VPS13D: variants seen among roughly 807,000 people sequenced by gnomAD.
VPS13D encodes intermembrane lipid transfer protein VPS13D.
In VPS13D, 187 loss-of-function variants were observed where a neutral mutation model predicts 461.9. That is an observed-to-expected ratio of 0.40 (90% CI 0.36 to 0.46). The LOEUF (loss-of-function observed/expected upper bound fraction) is 0.46. Ranked by LOEUF, VPS13D falls within the 20% of genes least tolerant of loss-of-function variation. The pLI, the probability that VPS13D is intolerant of heterozygous loss-of-function variation, is 0.60. For missense variants in VPS13D, 4,711 were observed against 5,364.9 expected, an observed-to-expected ratio of 0.88 and a Z score of 3.81; for synonymous variants, 1,951 against 1,986.3, an observed-to-expected ratio of 0.98 and a Z score of 0.47.
At chr1:12,498,959 G>T (rs528453048) in intron 68 of VPS13D, among the ~76,000 whole-genome samples, 1 of 152,244 alleles carries the variant, frequency 6.6e-6, no homozygotes, top group Admixed American at 6.5e-5. Flanking sequence ...CGGGGAGGGG[G>T]TAACTCTGTC....
chr1:12,416,527 C>CT, intron 64 of VPS13D, 133 bp from the exon 65 acceptor site: 1 of 955,704 alleles, frequency 1.0e-6, no homozygotes. Context: ...AGATTAAAAG[C>CT]TTTTAATCTC....
chr1:12,293,532 G>A lies in VPS13D; in HGVS notation c.5861G>A (p.Arg1954Gln), dbSNP rs368018544. 2.0e-5 allele frequency: 32 copies of A among 1,599,206 alleles called. No homozygotes were observed. Among genetic ancestry groups the A allele is most frequent in the East Asian group, 2.3e-5 (1 of 44,124 alleles). The change falls in exon 24 of 70, where the codon CGG (arginine) becomes CAG (glutamine). Residue 1954 changes from arginine (R) to glutamine (Q), a missense_variant. Physicochemically the swap from Arg to Gln is conservative, Grantham distance 43. Coordinates refer to ENST00000620676, the MANE Select transcript of VPS13D (RefSeq NM_015378.4). ...ALIFQTFKYG[R>Q]PDPLLRREHD... ...TTTATCCTAATTTTTAGATACGGAC[G>A]GCCTGACCCTCTGCTCCGGAGAGAA...
chr1:12,353,550 A>C (rs1383625108), intron 46 of VPS13D, among the ~76,000 whole-genome samples: 1 of 151,340 alleles, frequency 6.6e-6, no homozygotes, highest in African/African-American at 2.4e-5. Flanking sequence ...AAAAAAAAAA[A>C]AAAAAACCAG....
chr1:12,293,527 C>A lies in VPS13D; in HGVS notation c.5856C>A (p.Tyr1952Ter). The change falls in exon 24 of 70, where the codon TAC becomes TAA. Residue 1952 changes from tyrosine to a stop codon, truncating the protein, a stop_gained. Coordinates refer to ENST00000620676, the MANE Select transcript of VPS13D (RefSeq NM_015378.4). LOFTEE classifies it high-confidence loss of function. Reference sequence around the variant, plus strand: ...ACACTTTTATCCTAATTTTTAGATACGGACGGCCTGACCCTCTGCTCCGGA... The same window carrying A: ...ACACTTTTATCCTAATTTTTAGATAAGGACGGCCTGACCCTCTGCTCCGGA... Reference protein sequence around the residue: ...EEALIFQTFKYGRPDPLLRRE... With the variant: ...EEALIFQTFK The A allele has an allele frequency of 6.3e-7, 1 of 1,597,754 alleles. No homozygotes were observed. Among genetic ancestry groups the A allele is most frequent in the Non-Finnish European group, 8.5e-7 (1 of 1,171,020 alleles).
At chr1:12,318,695 C>T (rs556710865) in intron 31 of VPS13D, among the ~76,000 whole-genome samples, 2 of 152,142 alleles carry the variant, frequency 1.3e-5, no homozygotes, top group East Asian at 3.9e-4. Context: ...AGGCAAGTTT[C>T]GTATGTGAAA....
intron 30 of VPS13D, among the ~76,000 whole-genome samples, chr1:12,314,721 A>G (rs1642843970): frequency 6.6e-6 from 1 of 152,234 alleles, no homozygotes; most frequent in Non-Finnish European, 1.5e-5. Flanking sequence ...TTACCCATTC[A>G]AGTCTTACTG....
intron 22 of VPS13D, among the ~76,000 whole-genome samples, chr1:12,288,615 A>G (rs1028525368): frequency 1.3e-5 from 2 of 150,918 alleles, no homozygotes; most frequent in Middle Eastern, 3.2e-3. Context: ...CTGTGTTTTC[A>G]ACAGACTCTA....
chr1:12,450,591 C>T (rs886374129), intron 65 of VPS13D, among the ~76,000 whole-genome samples: 1 of 152,172 alleles, frequency 6.6e-6, no homozygotes, highest in African/African-American at 2.4e-5. Context: ...GTGCTGGGCA[C>T]TAGGGCAGCC....
rs1640943202 is a variant in VPS13D, at chr1:12,256,989, G to A, written c.843G>A (p.Leu281=). 2 of 1,614,082 alleles carry A rather than the reference G, an allele frequency of 1.2e-6. No individual in the cohort carries two copies. The highest frequency in any genetic ancestry group is 4.5e-5 in the East Asian group (2 of 44,880). The change falls in exon 9 of 70, where the codon CTG becomes CTA. Residue 281 remains leucine, a splice_region_variant and synonymous_variant. Transcript: ENST00000620676. ...ATCTCTTAACCTCTAATACAAAGCT[G>A]CAATACCGGCAAATCATGGAATTCC... is the stretch of plus-strand genomic sequence containing the variant. ...LETIPLKLSQ[L]QYRQIMEFLK...
chr1:12,382,508 C>T (rs540840921), intron 57 of VPS13D, among the ~76,000 whole-genome samples: 1 of 152,242 alleles, frequency 6.6e-6, no homozygotes, highest in African/African-American at 2.4e-5. Context: ...GATTGGTTGT[C>T]CAGCCATAGG....
chr1:12,398,220 A>G (rs1305524952), intron 60 of VPS13D, among the ~76,000 whole-genome samples: 1 of 152,238 alleles, frequency 6.6e-6, no homozygotes, highest in African/African-American at 2.4e-5. Flanking sequence ...AGTCATTTCC[A>G]GTTGTACAGA....
chr1:12,317,805 A>G (rs1023212261), intron 30 of VPS13D, among the ~76,000 whole-genome samples: 2 of 152,164 alleles, frequency 1.3e-5, no homozygotes, highest in Non-Finnish European at 2.9e-5. Flanking sequence ...ATTGAGAACC[A>G]CTGAGCTATA....
Position 12,273,010 on chromosome 1 carries a change from G to A in VPS13D, c.2111G>A (p.Ser704Asn), listed in dbSNP as rs766334900. 2 of 1,613,990 alleles carry A rather than the reference G, an allele frequency of 1.2e-6. No homozygotes were observed. The highest frequency in any genetic ancestry group is 2.2e-5 in the South Asian group (2 of 91,064). Residue 704 changes from serine (S) to asparagine (N), a missense_variant, in exon 18 of 70, where the codon AGT (serine) becomes AAT (asparagine). Coordinates refer to ENST00000620676, the MANE Select transcript of VPS13D (RefSeq NM_015378.4). ...RLLVGDFIEE[S>N]KRWTVRLDIS... The stretch of plus-strand genomic sequence containing the variant: ...ACTGTTTTATTTGTACAGGAGGAGA[G>A]TAAACGATGGACCGTGCGGCTGGAT...
chr1:12,249,374 A>G, intron 6 of VPS13D, 35 bp downstream of exon 6: 2 of 1,556,782 alleles, frequency 1.3e-6, no homozygotes, highest in East Asian at 4.5e-5. Flanking sequence ...GCAGGAAGAA[A>G]GCCATGCTCT....
intron 60 of VPS13D, 64 bp downstream of exon 60, chr1:12,386,398 A>G: frequency 6.7e-7 from 1 of 1,494,158 alleles, no homozygotes; most frequent in Non-Finnish European, 9.0e-7. Flanking sequence ...AACCAGATCT[A>G]ATGTTTGATG....
intron 2 of VPS13D, 53 bp downstream of exon 2, chr1:12,234,416 G>T (rs1202245098): frequency 1.3e-5 from 19 of 1,494,184 alleles, no homozygotes; most frequent in Non-Finnish European, 7.4e-6. Context: ...TTCTATTTTT[G>T]TATTTTTTTT....
intron 13 of VPS13D, 39 bp from the exon 14 acceptor site, chr1:12,266,842 C>A: frequency 6.8e-7 from 1 of 1,469,868 alleles, no homozygotes; most frequent in Non-Finnish European, 9.1e-7. Flanking sequence ...ATTAGGCTCT[C>A]ATAAGCATTG....
chr1:12,503,096 C>T (rs1178906330), intron 68 of VPS13D, among the ~76,000 whole-genome samples: 1 of 152,182 alleles, frequency 6.6e-6, no homozygotes, highest in East Asian at 1.9e-4. Flanking sequence ...GTTGATGCTA[C>T]CATGGCTGCT....
chr1:12,507,292 T>C lies in VPS13D; in HGVS notation c.13035+199T>C, dbSNP rs760409208. 8.7e-6 allele frequency: 8 copies of C among 914,398 alleles called. No homozygotes were observed. Among genetic ancestry groups the C allele is most frequent in the Non-Finnish European group, 1.1e-5 (6 of 557,752 alleles). The allele number at this position is 914,398 out of a possible 1,614,324, so 56.6% of individuals were successfully genotyped here. A position where few individuals can be genotyped will look rare whatever the true frequency, so the allele number is the denominator to read the frequency against. ...CGATGCTGCCCTCCCAGCTGGCCCA[T>C]GGGTGACCCTGGGAACATTAACTGC... is the stretch of plus-strand genomic sequence containing the variant. On this transcript the variant is annotated intron_variant, in intron 69 of 69. Transcript: ENST00000620676. The surrounding 1 kb of genome is among the most constrained non-coding windows in gnomAD (Gnocchi z 5.3).
Sources: gnomAD v4.1 joint callset for allele counts (sites outside exome capture counted in the v4.1 genomes callset) on GRCh38, gnomAD v4.1.1 for gene constraint, Gnocchi (gnomAD v3.1) non-coding constraint, MANE v1.5 for transcripts, NCBI Gene and HGNC (gene_info 2026-07-23, HGNC 2026-07-21) for gene names.